The following DYNC2H1 variants were observed in gnomAD, a reference collection of about 807,000 sequenced individuals.
DYNC2H1 encodes the protein cytoplasmic dynein 2 heavy chain 1.
A neutral mutation model predicts 570.0 loss-of-function variants in DYNC2H1; 410 were observed. The observed-to-expected ratio is 0.72, with a 90% CI of 0.66 to 0.78. The LOEUF is 0.78. Ranked by LOEUF, DYNC2H1 falls within the 30% of genes least tolerant of loss-of-function variation. The pLI is 0.00. For missense variants in DYNC2H1, 4,865 were observed against 5,046.4 expected (o/e 0.96, Z 1.09); for synonymous variants, 1,688 against 1,677.6 (o/e 1.01, Z -0.15).
In DYNC2H1 at chr11:103,177,149, CTT is replaced by C. The variant is rs999009784; in HGVS notation, c.5875-405_5875-404del. Among the ~76,000 whole-genome samples, 8 of 151,990 alleles carry C rather than the reference CTT, an allele frequency of 5.3e-5. No homozygotes were observed. Among genetic ancestry groups the C allele is most frequent in the African/African-American group, 1.9e-4 (8 of 41,356 alleles). On this transcript the variant is annotated intron_variant, in intron 37 of 88. Coordinates refer to ENST00000375735, the MANE Select transcript of DYNC2H1 (RefSeq NM_001377.3). This position sits in a 1 kb window ranked among gnomAD's most constrained non-coding sequence, Gnocchi z 4.4. ...ATTTATTAGGATTTTAAGTGAGTCTCTTTATGTAGTGCAAATAATTGTCCAAA... is the reference window on the plus strand; with the variant it reads ...ATTTATTAGGATTTTAAGTGAGTCTCTATGTAGTGCAAATAATTGTCCAAA...
rs1216015425 is a variant in DYNC2H1, at chr11:103,261,323, T to G, written c.10695+1346T>G. 6.6e-6 allele frequency among the ~76,000 whole-genome samples: 1 copy of G among 152,202 alleles called. No individual in the cohort carries two copies. The highest frequency in any genetic ancestry group is 1.5e-5 in the Non-Finnish European group (1 of 68,036). The stretch of plus-strand genomic sequence containing the variant: ...CTGGCTCTGAAGAGAGCATCGGATC[T>G]CCAACACAGAGCTTGAGCTCTGCTA... On this transcript the variant is annotated intron_variant, in intron 70 of 88. Transcript: ENST00000375735. The surrounding 1 kb of genome is among the most constrained non-coding windows in gnomAD (Gnocchi z 4.8).
At chr11:103,344,889 T>C (rs1225231490) in intron 82 of DYNC2H1, among the ~76,000 whole-genome samples, 2 of 152,162 alleles carry the variant, frequency 1.3e-5, no homozygotes, top group Non-Finnish European at 1.5e-5. Flanking sequence ...AATTAAGATA[T>C]TACCATAACT....
intron 87 of DYNC2H1, among the ~76,000 whole-genome samples, chr11:103,459,576 T>C (rs1482715988): frequency 1.3e-5 from 2 of 152,062 alleles, no homozygotes; most frequent in Admixed American, 6.5e-5. Context: ...TACAATGGTA[T>C]AGTGTGCCAG....
intron 31 of DYNC2H1, 21 bp from the exon 32 acceptor site, chr11:103,168,734 A>AAT (rs746720482): frequency 2.2e-5 from 36 of 1,606,912 alleles, no homozygotes; most frequent in Non-Finnish European, 2.9e-5. Flanking sequence ...TCCAATTGTC[A>AAT]ATATTTTTAT....
At chr11:103,348,128 T>C (rs1939848047) in intron 82 of DYNC2H1, among the ~76,000 whole-genome samples, 1 of 152,188 alleles carries the variant, frequency 6.6e-6, no homozygotes, top group Admixed American at 6.5e-5. Flanking sequence ...GCAAAGGTGA[T>C]AGAAAAGCCA....
chr11:103,255,564 T>C (rs780052150), intron 67 of DYNC2H1, 30 bp downstream of exon 67: 3 of 1,503,338 alleles, frequency 2.0e-6, no homozygotes, highest in African/African-American at 2.9e-5. Flanking sequence ...GGTTACTTTT[T>C]TCGTATTACT....
chr11:103,206,588 G>A (rs1215286994), intron 52 of DYNC2H1, among the ~76,000 whole-genome samples: 1 of 151,996 alleles, frequency 6.6e-6, no homozygotes, highest in Non-Finnish European at 1.5e-5. Context: ...AAGAACCAAA[G>A]GACACTGAGA....
At chr11:103,471,341 G>T (rs896301124) in intron 88 of DYNC2H1, among the ~76,000 whole-genome samples, 9 of 152,162 alleles carry the variant, frequency 5.9e-5, no homozygotes, top group Non-Finnish European at 1.0e-4. Context: ...TATCAGCTAA[G>T]AAGGAAAGAA....
intron 83 of DYNC2H1, among the ~76,000 whole-genome samples, chr11:103,383,487 T>TTA (rs1941747448): frequency 6.6e-6 from 1 of 151,872 alleles, no homozygotes; most frequent in African/African-American, 2.4e-5. Flanking sequence ...TATTTTTTTT[T>TTA]TTTTGAGATG....
intron 57 of DYNC2H1, among the ~76,000 whole-genome samples, chr11:103,221,422 C>T (rs761124104): frequency 6.6e-6 from 1 of 152,144 alleles, no homozygotes; most frequent in Non-Finnish European, 1.5e-5. Flanking sequence ...AGACAATTTT[C>T]TTGCATATCC....
At position 103,161,279 on chromosome 11, in the gene DYNC2H1, C is replaced by T. The variant is rs141912427; in HGVS notation, c.4491+235C>T. Among the ~76,000 whole-genome samples the T allele has an allele frequency of 3.9e-5, 6 of 152,096 alleles. No individual in the cohort carries two copies. In the East Asian group the frequency reaches 1.2e-3, roughly 29 times the overall value. The stretch of plus-strand genomic sequence containing the variant: ...CCTGTAATTATGAAAAGAACCTTGG[C>T]CTTGGAGTAAAAAATCTTAGATATT... On this transcript the variant is annotated intron_variant, in intron 29 of 88. Coordinates refer to ENST00000375735, the MANE Select transcript of DYNC2H1 (RefSeq NM_001377.3).
chr11:103,294,280 T>G (rs1251779012), intron 75 of DYNC2H1, among the ~76,000 whole-genome samples: 1 of 152,178 alleles, frequency 6.6e-6, no homozygotes, highest in Admixed American at 6.5e-5. Flanking sequence ...ACCTTCATCA[T>G]TGTCTGGACA....
rs200533866 is a variant in DYNC2H1 at position 103,219,869 on chromosome 11, A to G, written c.8833-46A>G. The G allele has an allele frequency of 1.1e-3, 1,173 of 1,069,074 alleles. 14 individuals are homozygous for G. Among genetic ancestry groups the G allele is most frequent in the Non-Finnish European group, 1.8e-4 (135 of 744,494 alleles). The allele number at this position is 1,069,074 out of a possible 1,614,324, so 66.2% of individuals were successfully genotyped here. On this transcript the variant is annotated intron_variant, in intron 55 of 88. Coordinates refer to ENST00000375735, the MANE Select transcript of DYNC2H1 (RefSeq NM_001377.3). ...TATTTTGGATTTCATGCTTTTAAATATCAAGCATTAAAATTGATTGGAATG... is the reference window on the plus strand; with the variant it reads ...TATTTTGGATTTCATGCTTTTAAATGTCAAGCATTAAAATTGATTGGAATG...
At chr11:103,120,860 A>AAT (rs1035807816) in intron 8 of DYNC2H1, 58 bp downstream of exon 8, 38 of 1,121,908 alleles carry the variant, frequency 3.4e-5, no homozygotes, top group South Asian at 6.5e-5. Context: ...TATATATAAA[A>AAT]ATATATATAT....
chr11:103,345,743 A>C (rs1160850942), intron 82 of DYNC2H1, among the ~76,000 whole-genome samples: 1 of 152,192 alleles, frequency 6.6e-6, no homozygotes, highest in Non-Finnish European at 1.5e-5. Context: ...GTGAGCCATG[A>C]AAGTAAATAG....
intron 82 of DYNC2H1, among the ~76,000 whole-genome samples, chr11:103,348,585 C>G (rs111823919): frequency 3.1e-4 from 47 of 152,246 alleles, no homozygotes; most frequent in African/African-American, 1.0e-3. Flanking sequence ...CTTTCTCACT[C>G]AGTGTAATTA....
chr11:103,226,575 T>C (rs892225951), intron 59 of DYNC2H1, among the ~76,000 whole-genome samples: 1 of 152,212 alleles, frequency 6.6e-6, no homozygotes, highest in African/African-American at 2.4e-5. Flanking sequence ...TTGATCATGG[T>C]GGATTATCTT....
At chr11:103,414,561 G>C (rs1026147090) in intron 84 of DYNC2H1, among the ~76,000 whole-genome samples, 2 of 148,810 alleles carry the variant, frequency 1.3e-5, no homozygotes, top group Non-Finnish European at 3.0e-5. Flanking sequence ...AGAAATAAAG[G>C]ATATTCAGAT....
intron 73 of DYNC2H1, among the ~76,000 whole-genome samples, chr11:103,283,772 A>T (rs1005131908): frequency 6.6e-6 from 1 of 152,086 alleles, no homozygotes; most frequent in East Asian, 1.9e-4. Flanking sequence ...TTCTTGTTGC[A>T]TAGTCTGGGC....
Sources: allele counts gnomAD v4.1 joint callset (sites outside exome capture counted in the v4.1 genomes callset), GRCh38; gene constraint gnomAD v4.1.1; non-coding constraint Gnocchi (gnomAD v3.1); transcripts MANE v1.5; gene names NCBI Gene and HGNC (gene_info 2026-07-23, HGNC 2026-07-21).